SLC38A10: variants seen among roughly 807,000 people sequenced by gnomAD.
The protein encoded by SLC38A10 is solute carrier family 38 member 10, also known as Sodium-coupled neutral amino acid transporter 10.
In SLC38A10, 53 loss-of-function variants were observed where a neutral mutation model predicts 81.0. The ratio of observed to expected loss-of-function variants is 0.65; its 90% CI spans 0.53 to 0.82. The LOEUF (loss-of-function observed/expected upper bound fraction) is 0.82, where lower values mean the gene tolerates loss of function less well. Ranked by LOEUF, SLC38A10 falls within the 40% of genes least tolerant of loss-of-function variation. SLC38A10 has a pLI of 0.00. For missense variants in SLC38A10, 1,471 were observed against 1,545.0 expected (o/e 0.95, Z 0.80); for synonymous variants, 665 against 655.3 (o/e 1.01, Z -0.23).
Position 81,282,281 on chromosome 17 carries a change from C to T in SLC38A10, c.409G>A (p.Val137Met), listed in dbSNP as rs956829381. Residue 137 changes from valine (V) to methionine (M), a missense_variant, in exon 5 of 16, where the codon GTG becomes ATG. Transcript: ENST00000374759. ...TTCCGCTGCAGGCTGAGCGGGAGCA[C>T]GATGCACAGCGACACGGCGAACAGC... is the stretch of plus-strand genomic sequence containing the variant. The part of the protein sequence containing the change: ...FLLFAVSLCI[V>M]LPLSLQRNMM... 4.3e-6 allele frequency: 7 copies of T among 1,613,436 alleles called. No homozygotes were observed. Among genetic ancestry groups the T allele is most frequent in the South Asian group, 3.3e-5 (3 of 91,080 alleles).
At chr17:81,269,350 TA>T (rs1013363645) in intron 10 of SLC38A10, among the ~76,000 whole-genome samples, 13 of 152,126 alleles carry the variant, frequency 8.5e-5, no homozygotes, top group African/African-American at 2.7e-4. Flanking sequence ...CTGTCTCTAC[TA>T]AAAGTACAAA....
chr17:81,280,791 A>G, intron 5 of SLC38A10, 58 bp from the exon 6 acceptor site: 1 of 1,551,304 alleles, frequency 6.4e-7, no homozygotes, highest in Non-Finnish European at 8.7e-7. Flanking sequence ...GGGACTCAGC[A>G]TCCCGGCCCA....
chr17:81,249,361 AGG>A (rs1491019628), intron 14 of SLC38A10, among the ~76,000 whole-genome samples: 20 of 1,566 alleles, frequency 0.013, no homozygotes, highest in Admixed American at 0.02. Context: ...GAAGAGGAGG[AGG>A]AGGGAGGGAA....
chr17:81,256,917 C>G (rs1006378975), intron 11 of SLC38A10, among the ~76,000 whole-genome samples: 2 of 152,214 alleles, frequency 1.3e-5, no homozygotes, highest in Admixed American at 1.3e-4. Context: ...GTACAGCCTC[C>G]GGCAGGCGGA....
chr17:81,268,713 T>G (rs1182051212), intron 10 of SLC38A10, among the ~76,000 whole-genome samples: 1 of 152,168 alleles, frequency 6.6e-6, no homozygotes, highest in Non-Finnish European at 1.5e-5. Flanking sequence ...AATGTTTGAT[T>G]GATCCAAAGA....
At chr17:81,275,731 C>CAAAAAAAAAA (rs747992770) in intron 8 of SLC38A10, among the ~76,000 whole-genome samples, 2 of 108,216 alleles carry the variant, frequency 1.8e-5, no homozygotes, top group African/African-American at 5.2e-5. Flanking sequence ...AACTCCGTCT[C>CAAAAAAAAAA]AAAAAAAAAG....
Position 81,294,892 on chromosome 17 carries a change from C to T in SLC38A10, c.30G>A (p.Gly10=). MTAAAASNW[G]LITNIVNSIV... is the part of the protein sequence containing the mutation. ...TGCTGTTCACGATGTTCGTGATCAG[C>T]CCCCAGTTGGAGGCGGCGGCCGCGG... Residue 10 remains glycine, a synonymous_variant, in exon 1 of 16, where the codon GGG becomes GGA. Coordinates refer to ENST00000374759, the MANE Select transcript of SLC38A10 (RefSeq NM_001037984.3). 1 of 1,593,472 alleles carries T rather than the reference C, an allele frequency of 6.3e-7. No individual in the cohort carries two copies.
At chr17:81,271,060 G>T (rs768966453) in intron 9 of SLC38A10, 36 bp from the exon 10 acceptor site, 14 of 1,563,848 alleles carry the variant, frequency 9.0e-6, no homozygotes, top group Non-Finnish European at 1.1e-5. Flanking sequence ...GATGAGTGGG[G>T]AAGGGCTCTG....
chr17:81,294,950 A>G lies in SLC38A10; in HGVS notation c.-29T>C. 6.4e-7 allele frequency: 1 copy of G among 1,555,134 alleles called. No homozygotes were observed. Among genetic ancestry groups the G allele is most frequent in the Non-Finnish European group, 8.7e-7 (1 of 1,153,416 alleles). ...GAGAGGTCTAGGGGCCCGGGGCGAGAGGCCTCGGGGGTCGCCGGGCTGCGG... is the reference window on the plus strand; with the variant it reads ...GAGAGGTCTAGGGGCCCGGGGCGAGGGGCCTCGGGGGTCGCCGGGCTGCGG... On this transcript the variant is annotated 5_prime_UTR_variant, in exon 1 of 16. Coordinates refer to ENST00000374759, the MANE Select transcript of SLC38A10 (RefSeq NM_001037984.3).
chr17:81,279,513 A>C (rs370147769), intron 6 of SLC38A10, among the ~76,000 whole-genome samples: 1 of 152,214 alleles, frequency 6.6e-6, no homozygotes, highest in Non-Finnish European at 1.5e-5. Context: ...AGCGGCCAGC[A>C]CAAGGAGGGA....
At chr17:81,282,071 C>T (rs1362790018) in intron 5 of SLC38A10, 118 bp downstream of exon 5, 23 of 1,413,988 alleles carry the variant, frequency 1.6e-5, no homozygotes, top group Non-Finnish European at 2.1e-5. Context: ...ACTTCCAACA[C>T]ATTCCCAGGA....
At chr17:81,284,818 G>A in intron 3 of SLC38A10, 32 bp downstream of exon 3, 2 of 1,505,398 alleles carry the variant, frequency 1.3e-6, no homozygotes, top group South Asian at 1.3e-5. Context: ...TGCGGGGGTG[G>A]GGGGCAAGCG....
chr17:81,285,291 G>T (rs2063254198), intron 2 of SLC38A10: 1 of 177,494 alleles, frequency 5.6e-6, no homozygotes, highest in African/African-American at 2.4e-5. Flanking sequence ...AGAGGGTTCA[G>T]TGCCGGTCCC....
At position 81,288,017 on chromosome 17, in the gene SLC38A10, C is replaced by G. The variant is rs2063281640; in HGVS notation, c.217+1674G>C. ...TCTTTCAGCCCAAGTTGCATTAGGC[C>G]ATCTCACTGTGGATCAAACTTAACA... On this transcript the variant is annotated intron_variant, in intron 2 of 15. Coordinates refer to ENST00000374759, the MANE Select transcript of SLC38A10 (RefSeq NM_001037984.3). This position sits in a 1 kb window ranked among gnomAD's most constrained non-coding sequence, Gnocchi z 5.4. 6.6e-6 allele frequency among the ~76,000 whole-genome samples: 1 copy of G among 152,242 alleles called. No individual in the cohort carries two copies. Among genetic ancestry groups the G allele is most frequent in the East Asian group, 1.9e-4 (1 of 5,198 alleles).
At chr17:81,262,451 C>A (rs1360516414) in intron 10 of SLC38A10, among the ~76,000 whole-genome samples, 1 of 152,236 alleles carries the variant, frequency 6.6e-6, no homozygotes, top group East Asian at 1.9e-4. Context: ...CCCCGCAAGG[C>A]AGCATACCCT....
chr17:81,264,235 A>G (rs982246871), intron 10 of SLC38A10: 1 of 153,208 alleles, frequency 6.5e-6, no homozygotes, highest in Non-Finnish European at 1.5e-5. Context: ...GTGGCGGGGG[A>G]AGCCCACGGA....
intron 11 of SLC38A10, among the ~76,000 whole-genome samples, chr17:81,255,227 C>T (rs1193373854): frequency 1.3e-5 from 2 of 152,256 alleles, no homozygotes; most frequent in Non-Finnish European, 2.9e-5. Flanking sequence ...GGCTCCCCGC[C>T]GCCTGCAGCA....
rs1275121539 is a variant in SLC38A10 at position 81,281,742 on chromosome 17, C to T, written c.501+447G>A. 6.6e-6 allele frequency among the ~76,000 whole-genome samples: 1 copy of T among 151,946 alleles called. No homozygotes were observed. Among genetic ancestry groups the T allele is most frequent in the Non-Finnish European group, 1.5e-5 (1 of 68,034 alleles). On this transcript the variant is annotated intron_variant, in intron 5 of 15. Transcript: ENST00000374759. This position sits in a 1 kb window ranked among gnomAD's most constrained non-coding sequence, Gnocchi z 5.3. ...AGTGAGCCGAGATTGCGCCACTGCACTCCAGCCTGGGCGACAAAGTGAGAC... is the reference window on the plus strand; with the variant it reads ...AGTGAGCCGAGATTGCGCCACTGCATTCCAGCCTGGGCGACAAAGTGAGAC...
At chr17:81,269,706 C>T (rs950389359) in intron 10 of SLC38A10, among the ~76,000 whole-genome samples, 1 of 151,242 alleles carries the variant, frequency 6.6e-6, no homozygotes, top group East Asian at 2.0e-4. Flanking sequence ...AGGTTGAGGC[C>T]GGGCGCATTG....
Sources: gnomAD v4.1 joint callset for allele counts (sites outside exome capture counted in the v4.1 genomes callset) on GRCh38, gnomAD v4.1.1 for gene constraint, Gnocchi (gnomAD v3.1) non-coding constraint, MANE v1.5 for transcripts, NCBI Gene and HGNC (gene_info 2026-07-23, HGNC 2026-07-21) for gene names.